Variants in LCA5 observed in about 807,000 individuals in gnomAD.
The protein encoded by LCA5 is lebercilin.
A neutral mutation model predicts 53.0 loss-of-function variants in LCA5; 37 were observed. The ratio of observed to expected loss-of-function variants is 0.70; its 90% confidence interval spans 0.54 to 0.92. The LOEUF is 0.92. LCA5 is among the 40% of genes least tolerant of loss of function. LCA5 has a pLI of 0.00. For missense variants in LCA5, 806 were observed against 790.5 expected (o/e 1.02, Z -0.23); for synonymous variants, 303 against 282.9 (o/e 1.07, Z -0.71).
At chr6:79,538,075 T>A (rs1767213494), upstream of LCA5, among the ~76,000 whole-genome samples, 1 of 133,924 alleles carries the variant, frequency 7.5e-6, no homozygotes, top group Non-Finnish European at 1.5e-5. Flanking sequence ...TTGAGGAGCA[T>A]GTCAGCCTAT....
intron 1 of LCA5, among the ~76,000 whole-genome samples, chr6:79,531,430 G>A (rs1202387129): frequency 6.6e-6 from 1 of 152,102 alleles, no homozygotes; most frequent in Non-Finnish European, 1.5e-5. Flanking sequence ...TGTTGCATCT[G>A]CAACCCAATT....
Position 79,537,390 on chromosome 6 carries a change from G to T in LCA5, c.-417C>A, listed in dbSNP as rs904457332. Reference sequence around the variant, plus strand: ...TCGGGGCTCCTGGGTGGCAGCGGCGGTAACCTGGGCTCCAGGGTAACGGAG... The same window carrying T: ...TCGGGGCTCCTGGGTGGCAGCGGCGTTAACCTGGGCTCCAGGGTAACGGAG... On this transcript the variant is annotated 5_prime_UTR_variant, in exon 1 of 8. Coordinates refer to ENST00000369846, the MANE Select transcript of LCA5 (RefSeq NM_001122769.3). 6.5e-6 allele frequency: 1 copy of T among 152,762 alleles called. No homozygotes were observed. The highest frequency in any genetic ancestry group is 2.4e-5 in the African/African-American group (1 of 41,482). 9.5% of individuals were successfully genotyped at this position (152,762 alleles called of 1,614,324 possible). A position where few individuals can be genotyped will look rare whatever the true frequency, so the allele number is the denominator to read the frequency against.
intron 1 of LCA5, among the ~76,000 whole-genome samples, chr6:79,534,207 T>C (rs1329979137): frequency 5.9e-5 from 9 of 151,800 alleles, no homozygotes. Context: ...AAACTATTTT[T>C]ATTTAAAAAT....
intron 3 of LCA5, among the ~76,000 whole-genome samples, chr6:79,512,915 T>C (rs1766280802): frequency 6.6e-6 from 1 of 152,088 alleles, no homozygotes; most frequent in Non-Finnish European, 1.5e-5. Flanking sequence ...AAAACGTCAG[T>C]TTTATATACT....
At chr6:79,524,808 T>C (rs966054757) in intron 1 of LCA5, among the ~76,000 whole-genome samples, 25 of 152,274 alleles carry the variant, frequency 1.6e-4, no homozygotes, top group African/African-American at 5.8e-4. Flanking sequence ...TTTTGTTGTG[T>C]TGGGACCCTT....
chr6:79,518,984 C>T lies in LCA5; in HGVS notation c.-90G>A. 1.7e-6 allele frequency: 2 copies of T among 1,157,626 alleles called. No individual in the cohort carries two copies. Among genetic ancestry groups the T allele is most frequent in the Non-Finnish European group, 2.6e-6 (2 of 767,200 alleles). 71.7% of individuals were successfully genotyped at this position (1,157,626 alleles called of 1,614,324 possible). On this transcript the variant is annotated 5_prime_UTR_variant, in exon 2 of 8. Transcript: ENST00000369846. The stretch of plus-strand genomic sequence containing the variant: ...CAATACTGAAAAACATTTTCACAGT[C>T]TTCAGATCCTGATAATATTCATTTC...
intron 4 of LCA5, 62 bp downstream of exon 4, chr6:79,493,551 T>G (rs1582618764): frequency 9.0e-6 from 13 of 1,444,576 alleles, no homozygotes; most frequent in Non-Finnish European, 1.2e-5. Context: ...ATTTAGTGTT[T>G]TAAAATATTT....
Position 79,503,980 on chromosome 6 carries a change from A to T in LCA5, c.720+9232T>A, listed in dbSNP as rs575516067. Among the ~76,000 whole-genome samples, 32 of 152,360 alleles carry T rather than the reference A, an allele frequency of 2.1e-4. 1 individual carries two copies. Among genetic ancestry groups the T allele is most frequent in the Admixed American group, 1.0e-3 (16 of 15,306 alleles). Reference sequence around the variant, plus strand: ...CAAAGTCCATCAATGTTTCTATATTAAAGATGCTTTCATAAAAATGCAAAT... The same window carrying T: ...CAAAGTCCATCAATGTTTCTATATTTAAGATGCTTTCATAAAAATGCAAAT... On this transcript the variant is annotated intron_variant, in intron 3 of 7. Coordinates refer to ENST00000369846, the MANE Select transcript of LCA5 (RefSeq NM_001122769.3).
intron 3 of LCA5, among the ~76,000 whole-genome samples, chr6:79,511,758 A>T (rs563119731): frequency 1.3e-5 from 2 of 152,212 alleles, no homozygotes; most frequent in South Asian, 4.1e-4. Flanking sequence ...AACTTCCAAT[A>T]TGAAAAAAAA....
intron 3 of LCA5, among the ~76,000 whole-genome samples, chr6:79,494,129 C>A (rs1769916535): frequency 6.6e-6 from 1 of 151,926 alleles, no homozygotes; most frequent in Non-Finnish European, 1.5e-5. Context: ...GTGGTGCATG[C>A]CTGAGTAGTC....
chr6:79,487,503 G>C lies in LCA5; in HGVS notation c.1595C>G (p.Pro532Arg), dbSNP rs532500940. 1.9e-5 allele frequency: 31 copies of C among 1,613,982 alleles called. 1 individual carries two copies. The South Asian group carries it at 3.4e-4, about 18-fold the overall frequency. The change falls in exon 8 of 8, where the codon CCA (proline) becomes CGA (arginine). Residue 532 changes from proline (P) to arginine (R), a missense_variant. By Grantham distance (103) the Pro-to-Arg change is moderately radical (BLOSUM62 -2). Coordinates refer to ENST00000369846, the MANE Select transcript of LCA5 (RefSeq NM_001122769.3). The stretch of plus-strand genomic sequence containing the variant: ...TCCTGAATTCTGACCTTCTCCTTTT[G>C]GAGTTGAGAAACTGATGTCTTGCAA... ...HHLQDISFST[P>R]KGEGQNSGNV...
At chr6:79,534,466 G>A (rs1767050693) in intron 1 of LCA5, among the ~76,000 whole-genome samples, 2 of 151,942 alleles carry the variant, frequency 1.3e-5, no homozygotes, top group Admixed American at 1.3e-4. Flanking sequence ...TGAAATGTCA[G>A]GCGCTAGATT....
chr6:79,503,427 A>C (rs1770194901), intron 3 of LCA5, among the ~76,000 whole-genome samples: 1 of 152,070 alleles, frequency 6.6e-6, no homozygotes, highest in Non-Finnish European at 1.5e-5. Flanking sequence ...AAACCAATAG[A>C]CCAAATCAGT....
At chr6:79,515,998 T>C (rs1049828862) in intron 2 of LCA5, among the ~76,000 whole-genome samples, 1 of 152,086 alleles carries the variant, frequency 6.6e-6, no homozygotes, top group Non-Finnish European at 1.5e-5. Context: ...TATGCTATAA[T>C]TGTGAAACAC....
chr6:79,489,114 C>A lies in LCA5; in HGVS notation c.1201G>T (p.Val401Leu), dbSNP rs141821682. The change falls in exon 7 of 8, where the codon GTA (valine) becomes TTA (leucine). Residue 401 changes from valine (V) to leucine (L), a missense_variant. Val to Leu is a conservative substitution (Grantham distance 32). Transcript: ENST00000369846. ...KFVTDEELHV[V>L]KQEVEKLEDE... ...TCCAGCTTTTCAACCTCCTGTTTTA[C>A]GACATGGAGTTCTTCATCTGTAACA... 6.2e-7 allele frequency: 1 copy of A among 1,613,204 alleles called. No homozygotes were observed. Among genetic ancestry groups the A allele is most frequent in the South Asian group, 1.1e-5 (1 of 91,056 alleles).
chr6:79,517,573 TAAC>T (rs947062379), intron 2 of LCA5, among the ~76,000 whole-genome samples: 2 of 151,528 alleles, frequency 1.3e-5, no homozygotes, highest in East Asian at 1.9e-4. Context: ...GAGACCAAAA[TAAC>T]AACAACAACA....
chr6:79,515,178 G>T (rs1410934997), intron 2 of LCA5, among the ~76,000 whole-genome samples: 3 of 152,018 alleles, frequency 2.0e-5, no homozygotes, highest in African/African-American at 4.8e-5. Context: ...ACCTTTCCAA[G>T]TCTATTTACC....
chr6:79,495,745 C>G (rs1181339341), intron 3 of LCA5, among the ~76,000 whole-genome samples: 2 of 136,876 alleles, frequency 1.5e-5, no homozygotes, highest in African/African-American at 5.5e-5. Flanking sequence ...AGCAAGACTC[C>G]ATCTCAAAAA....
At chr6:79,500,827 A>AC (rs1770117541) in intron 3 of LCA5, among the ~76,000 whole-genome samples, 1 of 151,752 alleles carries the variant, frequency 6.6e-6, no homozygotes, top group Admixed American at 6.6e-5. Flanking sequence ...AGTAAGTTAC[A>AC]TTTTTCCTTA....
Sources: allele counts gnomAD v4.1 joint callset (sites outside exome capture counted in the v4.1 genomes callset), GRCh38; gene constraint gnomAD v4.1.1; transcripts MANE v1.5; gene names NCBI Gene and HGNC (gene_info 2026-07-23, HGNC 2026-07-21).